ESR1: variants seen among roughly 807,000 people sequenced by gnomAD.
The protein encoded by ESR1 is estrogen receptor.
Under a neutral mutation model 52.7 loss-of-function variants are expected in ESR1, and 12 were observed. That is an observed-to-expected ratio of 0.23 (90% confidence interval 0.15 to 0.37). The LOEUF (loss-of-function observed/expected upper bound fraction) is 0.37, where lower values mean the gene tolerates loss of function less well. Ranked by LOEUF, ESR1 falls within the 10% of genes least tolerant of loss-of-function variation. The pLI is 1.00. For missense variants in ESR1, 584 were observed against 779.7 expected, an observed-to-expected ratio of 0.75 and a Z score of 2.99; for synonymous variants, 305 against 316.8, an observed-to-expected ratio of 0.96 and a Z score of 0.39.
At chr6:151,938,404 G>A (rs1179978326) in intron 3 of ESR1, among the ~76,000 whole-genome samples, 1 of 152,196 alleles carries the variant, frequency 6.6e-6, no homozygotes, top group Admixed American at 6.5e-5. Flanking sequence ...TAAACAAACT[G>A]TGAAGTAATT....
chr6:152,105,775 CTTTTTTTT>C (rs71017522), downstream of ESR1, among the ~76,000 whole-genome samples: 2 of 79,432 alleles, frequency 2.5e-5, no homozygotes, highest in African/African-American at 1.1e-4. Flanking sequence ...CAGTATGCAT[CTTTTTTTT>C]TTTTTTTTTT....
intron 4 of ESR1, among the ~76,000 whole-genome samples, chr6:151,956,823 A>AT (rs2036985725): frequency 1.9e-5 from 1 of 53,026 alleles, no homozygotes; most frequent in South Asian, 4.3e-4. Context: ...TATATATAAA[A>AT]ATATATATAA....
chr6:151,665,129 G>A (rs904854178), intron 1 of ESR1, among the ~76,000 whole-genome samples: 1 of 152,156 alleles, frequency 6.6e-6, no homozygotes, highest in Admixed American at 6.5e-5. Flanking sequence ...TGTGTGGAGG[G>A]TGGTTTAGGA....
intron 2 of ESR1, among the ~76,000 whole-genome samples, chr6:151,771,582 T>G (rs1241160131): frequency 2.0e-5 from 3 of 152,238 alleles, no homozygotes; most frequent in Admixed American, 1.3e-4. Context: ...AAGAAAGTCC[T>G]TAATATATCA....
At chr6:151,669,252 T>G (rs1411851390) in intron 1 of ESR1, among the ~76,000 whole-genome samples, 2 of 113,632 alleles carry the variant, frequency 1.8e-5, no homozygotes, top group East Asian at 5.8e-4. Flanking sequence ...AGGCTGGGGT[T>G]GCTGGTTTCT....
chr6:152,001,628 G>A (rs1426084012), intron 4 of ESR1, among the ~76,000 whole-genome samples: 2 of 151,984 alleles, frequency 1.3e-5, no homozygotes, highest in African/African-American at 4.8e-5. Flanking sequence ...TACTGTGCTT[G>A]TAAAAGAATC....
At chr6:151,789,648 A>C (rs1787339556) in intron 2 of ESR1, among the ~76,000 whole-genome samples, 1 of 152,204 alleles carries the variant, frequency 6.6e-6, no homozygotes, top group Admixed American at 6.5e-5. Context: ...ACGTAAAACA[A>C]ATCTCAAGAC....
intron 1 of ESR1, among the ~76,000 whole-genome samples, chr6:151,822,426 C>T (rs954022073): frequency 1.3e-5 from 2 of 152,156 alleles, no homozygotes; most frequent in African/African-American, 4.8e-5. Flanking sequence ...AAACAAAGCT[C>T]ACTCCCCTCG....
chr6:152,022,364 C>T (rs1045786208), intron 5 of ESR1, among the ~76,000 whole-genome samples: 1 of 152,120 alleles, frequency 6.6e-6, no homozygotes, highest in African/African-American at 2.4e-5. Flanking sequence ...AGTTTTTCCT[C>T]ATACATGTTG....
intron 5 of ESR1, among the ~76,000 whole-genome samples, chr6:152,012,044 A>ACT (rs1337430857): frequency 6.9e-6 from 1 of 145,208 alleles, no homozygotes; most frequent in Non-Finnish European, 1.5e-5. Flanking sequence ...ACACACACAC[A>ACT]CACTCACACT....
At chr6:151,896,882 C>T (rs1795609653) in intron 3 of ESR1, among the ~76,000 whole-genome samples, 1 of 152,028 alleles carries the variant, frequency 6.6e-6, no homozygotes, top group African/African-American at 2.4e-5. Flanking sequence ...GGTTGTGTCA[C>T]TATTATTGTT....
At chr6:152,128,612 T>TA (rs1463942883) in exon 7 of ESR1, 3 of 152,202 alleles carry the variant, frequency 2.0e-5, no homozygotes, top group Non-Finnish European at 2.9e-5. Context: ...TTCAAACTAA[T>TA]AGTCAGTTTC....
chr6:151,859,098 C>T (rs989970389), intron 2 of ESR1, among the ~76,000 whole-genome samples: 10 of 152,186 alleles, frequency 6.6e-5, no homozygotes, highest in South Asian at 2.1e-4. Context: ...AACAGGACTT[C>T]ATGTTCAATA....
chr6:151,883,941 C>T (rs1793399415), intron 3 of ESR1, among the ~76,000 whole-genome samples: 1 of 152,160 alleles, frequency 6.6e-6, no homozygotes, highest in Non-Finnish European at 1.5e-5. Flanking sequence ...TCTTAATCAC[C>T]TCACTTAAGG....
intron 1 of ESR1, among the ~76,000 whole-genome samples, chr6:151,835,814 A>G (rs1783237711): frequency 6.6e-6 from 1 of 150,548 alleles, no homozygotes; most frequent in African/African-American, 2.4e-5. Flanking sequence ...TTTTTTTTTA[A>G]CTTGAGTTTC....
intron 4 of ESR1, among the ~76,000 whole-genome samples, chr6:151,969,959 G>A (rs1584543144): frequency 6.6e-6 from 1 of 151,330 alleles, no homozygotes; most frequent in African/African-American, 2.4e-5. Context: ...GCCTCCCTAT[G>A]TGTCCCCTCC....
chr6:152,067,380 AT>A (rs1168645418), intron 6 of ESR1, among the ~76,000 whole-genome samples: 3 of 152,172 alleles, frequency 2.0e-5, no homozygotes, highest in African/African-American at 7.2e-5. Context: ...GTTAGGAGCC[AT>A]TTTCCATTCA....
chr6:151,947,283 C>T lies in ESR1; in HGVS notation c.1096+2775C>T, dbSNP rs6930321. 5.7e-3 allele frequency among the ~76,000 whole-genome samples: 869 copies of T among 152,282 alleles called. 11 individuals carry two copies. Among genetic ancestry groups the T allele is most frequent in the African/African-American group, 0.019 (770 of 41,548 alleles). On this transcript the variant is annotated intron_variant, in intron 4 of 7. Transcript: ENST00000206249. ...GCAGTGAGCCGAGACCCCACAACTG[C>T]ACTCCGGCCTGGGCAACAATGAGAC...
chr6:151,934,163 G>A (rs1052046197), intron 3 of ESR1, among the ~76,000 whole-genome samples: 7 of 152,062 alleles, frequency 4.6e-5, no homozygotes, highest in East Asian at 1.9e-4. Flanking sequence ...CTTTGAACCC[G>A]TTTCCTTCCC....
Sources: gnomAD v4.1 joint callset for allele counts (sites outside exome capture counted in the v4.1 genomes callset) on GRCh38, gnomAD v4.1.1 for gene constraint, MANE v1.5 for transcripts, NCBI Gene and HGNC (gene_info 2026-07-23, HGNC 2026-07-21) for gene names.